Variants in FAM114A1 observed in about 807,000 individuals in gnomAD.
FAM114A1 encodes the protein family with sequence similarity 114 member A1.
In FAM114A1, 62 loss-of-function variants were observed where a neutral mutation model predicts 64.3. That is an observed-to-expected ratio of 0.96 (90% CI 0.79 to 1.19). The LOEUF is 1.19. Ranked by LOEUF, FAM114A1 falls within the 50% of genes most tolerant of loss-of-function variation. FAM114A1 has a pLI of 0.00. For synonymous variants in FAM114A1, 254 were observed against 251.1 expected (o/e 1.01, Z -0.11); for missense variants, 645 against 676.3 (o/e 0.95, Z 0.51).
At position 38,915,015 on chromosome 4, in the gene FAM114A1, A is replaced by G. The variant is rs753119108; in HGVS notation, c.887A>G (p.Tyr296Cys). 2 of 1,614,214 alleles carry G rather than the reference A, an allele frequency of 1.2e-6. No individual in the cohort carries two copies. Among genetic ancestry groups the G allele is most frequent in the Admixed American group, 1.7e-5 (1 of 60,022 alleles). ...CACTACGGGATGCTGTTTGATGAATATCAAGGCTTGTCACACCTGGAAGCC... is the reference window on the plus strand; with the variant it reads ...CACTACGGGATGCTGTTTGATGAATGTCAAGGCTTGTCACACCTGGAAGCC... ...TAHYGMLFDE[Y>C]QGLSHLEALE... The change falls in exon 8 of 15, where the codon TAT becomes TGT. Residue 296 changes from tyrosine (Y) to cysteine (C), a missense_variant. Physicochemically the swap from Tyr to Cys is radical, Grantham distance 194. Coordinates refer to ENST00000358869, the MANE Select transcript of FAM114A1 (RefSeq NM_138389.4).
At chr4:38,874,490 C>G (rs1460757114) in intron 2 of FAM114A1, among the ~76,000 whole-genome samples, 1 of 152,036 alleles carries the variant, frequency 6.6e-6, no homozygotes, top group Non-Finnish European at 1.5e-5. Context: ...CTATTTATGT[C>G]ATTTGCCCAT....
intron 7 of FAM114A1, among the ~76,000 whole-genome samples, chr4:38,909,217 T>C (rs1183139634): frequency 6.6e-6 from 1 of 152,356 alleles, no homozygotes; most frequent in South Asian, 2.1e-4. Flanking sequence ...CCTCTGTGCC[T>C]CAGCTTACTC....
chr4:38,929,018 G>C (rs1420195007), intron 9 of FAM114A1: 2 of 509,574 alleles, frequency 3.9e-6, no homozygotes, highest in Non-Finnish European at 7.1e-6. Context: ...CCCTGCTGGA[G>C]CTGCCAAACA....
Position 38,945,002 on chromosome 4 carries a change from A to G in FAM114A1, c.*1445A>G, listed in dbSNP as rs1242319268. On this transcript the variant is annotated 3_prime_UTR_variant, in exon 15 of 15. Transcript: ENST00000358869. Reference sequence around the variant, plus strand: ...ACCCTTTAATTTGTTGCATTTTCCTATACTCTTTACACTATTTTATCCCAA... The same window carrying G: ...ACCCTTTAATTTGTTGCATTTTCCTGTACTCTTTACACTATTTTATCCCAA... 6.6e-6 allele frequency: 1 copy of G among 152,186 alleles called. No individual in the cohort carries two copies. Among genetic ancestry groups the G allele is most frequent in the African/African-American group, 2.4e-5 (1 of 41,456 alleles). 9.4% of individuals were successfully genotyped at this position (152,186 alleles called of 1,614,324 possible).
chr4:38,931,157 C>G (rs1720594986), intron 10 of FAM114A1, among the ~76,000 whole-genome samples: 1 of 152,126 alleles, frequency 6.6e-6, no homozygotes, highest in South Asian at 2.1e-4. Flanking sequence ...TTCAATGTGA[C>G]TGTCATTTTT....
intron 3 of FAM114A1, 46 bp downstream of exon 3, chr4:38,878,472 TA>T: frequency 6.6e-7 from 1 of 1,517,230 alleles, no homozygotes; most frequent in Non-Finnish European, 8.9e-7. Context: ...TTCTTGCTTA[TA>T]TCTACCGTGT....
intron 9 of FAM114A1, among the ~76,000 whole-genome samples, chr4:38,926,623 T>A (rs1398898591): frequency 2.0e-5 from 3 of 152,040 alleles, no homozygotes; most frequent in Admixed American, 2.0e-4. Context: ...ACCTGGCAAA[T>A]TTTTGTACCT....
intron 7 of FAM114A1, among the ~76,000 whole-genome samples, chr4:38,911,814 T>TC (rs1217609736): frequency 6.6e-6 from 1 of 151,626 alleles, no homozygotes; most frequent in Admixed American, 6.6e-5. Context: ...GAATACTCTT[T>TC]CTTTTTCTTT....
At chr4:38,916,424 A>T (rs183808251) in intron 8 of FAM114A1, among the ~76,000 whole-genome samples, 1 of 152,358 alleles carries the variant, frequency 6.6e-6, no homozygotes, top group African/African-American at 2.4e-5. Context: ...CCAAAGAAGC[A>T]CAAATGTGTG....
At chr4:38,921,171 T>C (rs28444094) in intron 8 of FAM114A1, among the ~76,000 whole-genome samples, 3,792 of 152,340 alleles carry the variant, frequency 0.025, 167 homozygotes, top group African/African-American at 0.086. Flanking sequence ...TTTACTACTT[T>C]ATACTTATAC....
In FAM114A1 at chr4:38,943,769, CTTT is replaced by C; in HGVS notation, c.*213_*215del. 9.6e-6 allele frequency: 4 copies of C among 415,094 alleles called. No homozygotes were observed. The highest frequency in any genetic ancestry group is 2.0e-5 in the African/African-American group (1 of 50,964). The allele number at this position is 415,094 out of a possible 1,614,324, so 25.7% of individuals were successfully genotyped here. On this transcript the variant is annotated 3_prime_UTR_variant, in exon 15 of 15. Coordinates refer to ENST00000358869, the MANE Select transcript of FAM114A1 (RefSeq NM_138389.4). ...TTGTTTTTACAAACAATTGTGTTTT[CTTT>C]ATGTTAATTTAAACTTACACAGCTT...
At chr4:38,904,146 T>C (rs1043549531) in intron 4 of FAM114A1, among the ~76,000 whole-genome samples, 5 of 152,198 alleles carry the variant, frequency 3.3e-5, no homozygotes, top group African/African-American at 1.2e-4. Context: ...TTTAGCAACC[T>C]GAGGTCACCC....
intron 3 of FAM114A1, among the ~76,000 whole-genome samples, chr4:38,887,224 T>C (rs913713247): frequency 1.3e-5 from 2 of 152,232 alleles, no homozygotes; most frequent in Admixed American, 1.3e-4. Context: ...ACAATTCGTG[T>C]TCCATCTATG....
intron 4 of FAM114A1, among the ~76,000 whole-genome samples, chr4:38,905,197 G>C (rs1047859538): frequency 5.9e-5 from 9 of 152,128 alleles, no homozygotes; most frequent in Non-Finnish European, 1.2e-4. Flanking sequence ...AGGAGTTCAA[G>C]ACAAGCCTGG....
At chr4:38,942,282 T>G (rs902426983) in intron 14 of FAM114A1, among the ~76,000 whole-genome samples, 1 of 152,152 alleles carries the variant, frequency 6.6e-6, no homozygotes, top group Non-Finnish European at 1.5e-5. Flanking sequence ...ACCTTACTGT[T>G]AAGGAAAACG....
intron 9 of FAM114A1, among the ~76,000 whole-genome samples, chr4:38,928,406 T>G (rs1226611843): frequency 6.6e-6 from 1 of 152,220 alleles, no homozygotes; most frequent in Admixed American, 6.5e-5. Flanking sequence ...AAAATAAGAT[T>G]GTAATCTTTA....
intron 6 of FAM114A1, among the ~76,000 whole-genome samples, chr4:38,907,812 C>T (rs1395966275): frequency 5.9e-5 from 9 of 151,962 alleles, no homozygotes; most frequent in Non-Finnish European, 1.2e-4. Context: ...ATTATAATTG[C>T]AGTTATACAG....
rs113318838 is a variant in FAM114A1 at position 38,914,627 on chromosome 4, C to T, written c.793-294C>T. 852 of 274,072 alleles carry T rather than the reference C, an allele frequency of 3.1e-3. 10 individuals carry two copies. The highest frequency in any genetic ancestry group is 0.017 in the African/African-American group (784 of 45,908). 17.0% of individuals were successfully genotyped at this position (274,072 alleles called of 1,614,324 possible). ...TTAATCACTCATGTGGGAAACGCCT[C>T]AGTGGAAACCACTGTTAAAGCTTTT... is the stretch of plus-strand genomic sequence containing the variant. On this transcript the variant is annotated intron_variant, in intron 7 of 14. Transcript: ENST00000358869.
chr4:38,908,712 G>A lies in FAM114A1; in HGVS notation c.778G>A (p.Val260Ile), dbSNP rs1179537522. 6.2e-7 allele frequency: 1 copy of A among 1,603,190 alleles called. No homozygotes were observed. The highest frequency in any genetic ancestry group is 1.3e-5 in the African/African-American group (1 of 74,790). The part of the protein sequence containing the change: ...KRTKTLMERT[V>I]SLSQMLREAK... ...GACCAAGACGCTCATGGAGAGAACT[G>A]TTTCCTTGTCTCAGGTTGGATTATA... The change falls in exon 7 of 15, where the codon GTT (valine) becomes ATT (isoleucine). Residue 260 changes from valine (V) to isoleucine (I), a missense_variant. Val to Ile is a conservative substitution (Grantham distance 29, BLOSUM62 3). Transcript: ENST00000358869.
Sources: allele counts gnomAD v4.1 joint callset (sites outside exome capture counted in the v4.1 genomes callset), GRCh38; gene constraint gnomAD v4.1.1; transcripts MANE v1.5; gene names NCBI Gene and HGNC (gene_info 2026-07-23, HGNC 2026-07-21).